The following CLMP variants were observed in gnomAD, a reference collection of about 807,000 sequenced individuals.
CLMP encodes CXADR-like membrane protein.
In CLMP, 27 loss-of-function variants were observed where a neutral mutation model predicts 45.2. That is an observed-to-expected ratio of 0.60 (90% CI 0.44 to 0.82). The LOEUF (loss-of-function observed/expected upper bound fraction) is 0.82, where lower values mean the gene tolerates loss of function less well. Among genes scored for constraint, CLMP ranks in the 40% least tolerant of loss-of-function variants. The pLI, the probability that CLMP is intolerant of heterozygous loss-of-function variation, is 0.00. For missense variants in CLMP, 403 were observed against 448.4 expected, an observed-to-expected ratio of 0.90 and a Z score of 0.91; for synonymous variants, 167 against 171.4, an observed-to-expected ratio of 0.97 and a Z score of 0.20.
intron 1 of CLMP, among the ~76,000 whole-genome samples, chr11:123,168,883 A>G (rs1403615125): frequency 6.6e-6 from 1 of 152,174 alleles, no homozygotes; most frequent in Non-Finnish European, 1.5e-5. Flanking sequence ...TCCCTGGGTT[A>G]TGCAGCATCT....
At chr11:123,076,664 T>C (rs750007294) in intron 5 of CLMP, among the ~76,000 whole-genome samples, 9 of 151,952 alleles carry the variant, frequency 5.9e-5, no homozygotes, top group Admixed American at 2.0e-4. Flanking sequence ...GTCTGGAGCA[T>C]AGTGAGCAAG....
In CLMP at chr11:123,194,967, C is replaced by G; in HGVS notation, c.-27G>C. The G allele has an allele frequency of 2.5e-6, 4 of 1,610,464 alleles. No homozygotes were observed. The highest frequency in any genetic ancestry group is 3.4e-6 in the Non-Finnish European group (4 of 1,178,400). ...CCGATCCCCGGACGCGGGCGCTTCCCCGCTCAGCTGCTGCTTGGCTCCGGG... is the reference window on the plus strand; with the variant it reads ...CCGATCCCCGGACGCGGGCGCTTCCGCGCTCAGCTGCTGCTTGGCTCCGGG... On this transcript the variant is annotated 5_prime_UTR_variant, in exon 1 of 7. Coordinates refer to ENST00000448775, the MANE Select transcript of CLMP (RefSeq NM_024769.5).
At chr11:123,147,720 G>A (rs942881116) in intron 1 of CLMP, among the ~76,000 whole-genome samples, 1 of 152,212 alleles carries the variant, frequency 6.6e-6, no homozygotes, top group Non-Finnish European at 1.5e-5. Flanking sequence ...AGCATCTTGT[G>A]CAGTGCTGGG....
At chr11:123,093,379 C>T (rs1865955243) in intron 2 of CLMP, among the ~76,000 whole-genome samples, 1 of 151,382 alleles carries the variant, frequency 6.6e-6, no homozygotes, top group South Asian at 2.1e-4. Flanking sequence ...TGGAGTCTCA[C>T]TCTGTCACCC....
rs141930781 is a variant in CLMP, at chr11:123,071,295, C to G, written c.*2179G>C. ...ACTAAAAATACAAAAATTAGCTGTA[C>G]GTGGTGGCGCACACCTATAATCCAA... On this transcript the variant is annotated 3_prime_UTR_variant, in exon 7 of 7. Transcript: ENST00000448775. 4 of 152,034 alleles carry G rather than the reference C, an allele frequency of 2.6e-5. No homozygotes were observed. Among genetic ancestry groups the G allele is most frequent in the Admixed American group, 1.3e-4 (2 of 15,236 alleles). 9.4% of individuals were successfully genotyped at this position (152,034 alleles called of 1,614,324 possible). A position where few individuals can be genotyped will look rare whatever the true frequency, so the allele number is the denominator to read the frequency against.
intron 1 of CLMP, among the ~76,000 whole-genome samples, chr11:123,166,730 A>G (rs1415130009): frequency 1.3e-5 from 2 of 152,214 alleles, no homozygotes; most frequent in African/African-American, 2.4e-5. Flanking sequence ...CAGGGTGACT[A>G]TGGTTGACAA....
chr11:123,089,677 T>C (rs994096614), intron 2 of CLMP, among the ~76,000 whole-genome samples: 18 of 147,812 alleles, frequency 1.2e-4, no homozygotes, highest in Admixed American at 6.3e-4. Context: ...CTCGGGAGGC[T>C]GAGGCAGGAG....
intron 1 of CLMP, among the ~76,000 whole-genome samples, chr11:123,162,888 G>A (rs554930490): frequency 2.6e-4 from 39 of 151,320 alleles, no homozygotes; most frequent in Non-Finnish European, 4.9e-4. Flanking sequence ...CTGGGTGATA[G>A]AGTGAGACCC....
chr11:123,109,659 T>C (rs1860611210), intron 1 of CLMP, among the ~76,000 whole-genome samples: 1 of 152,084 alleles, frequency 6.6e-6, no homozygotes, highest in Non-Finnish European at 1.5e-5. Flanking sequence ...CAAGAAGAAA[T>C]TGAATGGAAG....
chr11:123,178,799 G>T (rs1317699634), intron 1 of CLMP, among the ~76,000 whole-genome samples: 9 of 152,148 alleles, frequency 5.9e-5, no homozygotes, highest in Non-Finnish European at 1.3e-4. Context: ...AGCTTACAGG[G>T]CCTCTATCTT....
chr11:123,074,743 G>C lies in CLMP; in HGVS notation c.780C>G (p.Asp260Glu). 6.2e-7 allele frequency: 1 copy of C among 1,614,060 alleles called. No homozygotes were observed. Among genetic ancestry groups the C allele is most frequent in the Non-Finnish European group, 8.5e-7 (1 of 1,179,994 alleles). The change falls in exon 6 of 7, where the codon GAC becomes GAG. Residue 260 changes from aspartate (D) to glutamate (E), a missense_variant. By Grantham distance (45) the Asp-to-Glu change is conservative. Coordinates refer to ENST00000448775, the MANE Select transcript of CLMP (RefSeq NM_024769.5). Reference sequence around the variant, plus strand: ...TCTCTTCTTCCTCATATCTTTCTTTGTCTTTCCTTCGGATTAGCAGCCACA... The same window carrying C: ...TCTCTTCTTCCTCATATCTTTCTTTCTCTTTCCTTCGGATTAGCAGCCACA... ...LLVWLLIRRK[D>E]KERYEEEERP...
chr11:123,105,792 AG>A (rs1308887903), intron 1 of CLMP, among the ~76,000 whole-genome samples: 2 of 150,236 alleles, frequency 1.3e-5, no homozygotes, highest in African/African-American at 2.4e-5. Context: ...GATGGGCAGG[AG>A]GAACTGTGGT....
chr11:123,135,876 T>A, intron 1 of CLMP: 1 of 477,958 alleles, frequency 2.1e-6, no homozygotes, highest in Admixed American at 2.4e-5. Flanking sequence ...TGCTGCCACT[T>A]TTCTTCTCAT....
chr11:123,194,836 G>A, intron 1 of CLMP, 77 bp downstream of exon 1: 5 of 1,571,484 alleles, frequency 3.2e-6, no homozygotes, highest in Non-Finnish European at 4.4e-6. Context: ...CACCCGGTCA[G>A]AACCGGCGTC....
chr11:123,191,825 G>A (rs531766225), intron 1 of CLMP, among the ~76,000 whole-genome samples: 10 of 152,190 alleles, frequency 6.6e-5, no homozygotes, highest in Admixed American at 5.9e-4. Flanking sequence ...ACTGAACATG[G>A]TTCACAGGTG....
At chr11:123,099,818 C>T (rs369096675) in intron 1 of CLMP, among the ~76,000 whole-genome samples, 9 of 151,978 alleles carry the variant, frequency 5.9e-5, no homozygotes, top group Admixed American at 3.3e-4. Context: ...CCTTTCTTGC[C>T]GCAGTGAGCA....
At chr11:123,144,458 G>A (rs763892552) in intron 1 of CLMP, among the ~76,000 whole-genome samples, 11 of 152,178 alleles carry the variant, frequency 7.2e-5, no homozygotes, top group African/African-American at 2.2e-4. Context: ...TGCAACCTCC[G>A]CCTCCTGGGT....
intron 1 of CLMP, among the ~76,000 whole-genome samples, chr11:123,192,004 A>C (rs1384128697): frequency 6.6e-6 from 1 of 152,236 alleles, no homozygotes; most frequent in Non-Finnish European, 1.5e-5. Flanking sequence ...AACCATGGAC[A>C]GGTGTATGGA....
chr11:123,117,644 C>T (rs1207011839), intron 1 of CLMP, among the ~76,000 whole-genome samples: 1 of 152,076 alleles, frequency 6.6e-6, no homozygotes, highest in African/African-American at 2.4e-5. Flanking sequence ...CCAGGCTGGT[C>T]TCGAACTCCT....
Sources: gnomAD v4.1 joint callset for allele counts (sites outside exome capture counted in the v4.1 genomes callset) on GRCh38, gnomAD v4.1.1 for gene constraint, MANE v1.5 for transcripts, NCBI Gene and HGNC (gene_info 2026-07-23, HGNC 2026-07-21) for gene names.